Variants in PREP observed in about 807,000 individuals in gnomAD.
PREP encodes the protein dJ355L5.1 (prolyl endopeptidase).
PREP carries 29 observed loss-of-function variants against 87.6 expected under a neutral mutation model. The observed-to-expected ratio is 0.33, with a 90% CI of 0.25 to 0.45. The LOEUF is 0.45. Ranked by LOEUF, PREP falls within the 20% of genes least tolerant of loss-of-function variation. The probability of loss-of-function intolerance (pLI) is 1.00; values close to 1 mark genes in which losing one functional copy is unlikely to be tolerated. For synonymous variants in PREP, 337 were observed against 328.6 expected, an observed-to-expected ratio of 1.03 and a Z score of -0.28; for missense variants, 695 against 886.5, an observed-to-expected ratio of 0.78 and a Z score of 2.74.
Position 105,375,997 on chromosome 6 carries a change from T to C in PREP, c.385+128A>G. The C allele has an allele frequency of 3.6e-6, 4 of 1,100,504 alleles. No homozygotes were observed. In the South Asian group the frequency reaches 9.3e-5, roughly 26 times the overall value. The allele number at this position is 1,100,504 out of a possible 1,614,324, so 68.2% of individuals were successfully genotyped here. ...GCAAAAATTAGCTTTCCTGATATTG[T>C]ATGTGCATCTGTTCCACAATATGGT... On this transcript the variant is annotated intron_variant, in intron 4 of 14. Transcript: ENST00000652536.
intron 7 of PREP, among the ~76,000 whole-genome samples, chr6:105,342,525 C>A (rs1315260678): frequency 6.6e-6 from 1 of 152,166 alleles, no homozygotes; most frequent in African/African-American, 2.4e-5. Flanking sequence ...GTTGGAAGTT[C>A]TGGCCAGGGC....
At chr6:105,284,204 C>G (rs996426641) in intron 12 of PREP, among the ~76,000 whole-genome samples, 5 of 152,140 alleles carry the variant, frequency 3.3e-5, no homozygotes, top group Non-Finnish European at 7.3e-5. Context: ...CAAAGACAGT[C>G]ACAATCAGTA....
intron 6 of PREP, among the ~76,000 whole-genome samples, chr6:105,365,235 G>C (rs1448264712): frequency 6.6e-6 from 1 of 152,054 alleles, no homozygotes. Context: ...TGACAGAGTG[G>C]GATTCCATTT....
intron 10 of PREP, among the ~76,000 whole-genome samples, chr6:105,290,253 C>A (rs187329192): frequency 2.0e-5 from 3 of 152,042 alleles, no homozygotes; most frequent in Non-Finnish European, 4.4e-5. Context: ...CAAGTAAACA[C>A]GGAGTAAGAG....
intron 2 of PREP, among the ~76,000 whole-genome samples, chr6:105,378,455 C>A (rs1772751016): frequency 1.3e-5 from 2 of 152,146 alleles, no homozygotes; most frequent in South Asian, 2.1e-4. Flanking sequence ...GGGAGACTGT[C>A]TTAAAACACA....
intron 10 of PREP, among the ~76,000 whole-genome samples, chr6:105,300,596 C>T (rs1258970243): frequency 1.3e-5 from 2 of 151,480 alleles, no homozygotes; most frequent in African/African-American, 4.9e-5. Flanking sequence ...TAAGAACTCA[C>T]AGATCCTTGA....
At chr6:105,336,480 C>A (rs930600574) in intron 7 of PREP, among the ~76,000 whole-genome samples, 3 of 152,106 alleles carry the variant, frequency 2.0e-5, no homozygotes, top group Non-Finnish European at 4.4e-5. Context: ...TGTTTTTGCT[C>A]ATATTTCTAT....
chr6:105,277,249 A>AAAT lies in PREP; in HGVS notation c.*892_*894dup, dbSNP rs1367059865. 6.6e-6 allele frequency among the ~76,000 whole-genome samples: 1 copy of AAAT among 151,752 alleles called. No homozygotes were observed. The highest frequency in any genetic ancestry group is 1.5e-5 in the Non-Finnish European group (1 of 67,988). On this transcript the variant is annotated 3_prime_UTR_variant, in exon 15 of 15. Transcript: ENST00000652536. ...AGGAGAAACAGCTTGGGAAATGCTGAAATTTCTGACTGTAAGAAATGCTTG... is the reference window on the plus strand; with the variant it reads ...AGGAGAAACAGCTTGGGAAATGCTGAAATAATTTCTGACTGTAAGAAATGCTTG...
At chr6:105,340,190 T>G (rs1771602346) in intron 7 of PREP, among the ~76,000 whole-genome samples, 1 of 151,986 alleles carries the variant, frequency 6.6e-6, no homozygotes, top group Non-Finnish European at 1.5e-5. Flanking sequence ...TAAAAGCAGA[T>G]CTCTCGGCAG....
Position 105,402,838 on chromosome 6 carries a change from G to C in PREP, c.45+9C>G, listed in dbSNP as rs1333204640. The C allele has an allele frequency of 1.9e-6, 3 of 1,543,350 alleles. No homozygotes were observed. The highest frequency in any genetic ancestry group is 1.4e-5 in the African/African-American group (1 of 73,466). On this transcript the variant is annotated intron_variant, in intron 1 of 14. Coordinates refer to ENST00000652536, the MANE Select transcript of PREP (RefSeq NM_002726.5). Reference sequence around the variant, plus strand: ...CGGGAGCCCTCTGGGCGGAGGCAGAGATACTTACGGCGGTCTCGTCGCGGT... The same window carrying C: ...CGGGAGCCCTCTGGGCGGAGGCAGACATACTTACGGCGGTCTCGTCGCGGT...
chr6:105,385,182 T>A (rs1583101080), intron 2 of PREP, among the ~76,000 whole-genome samples: 1 of 150,842 alleles, frequency 6.6e-6, no homozygotes, highest in East Asian at 1.9e-4. Flanking sequence ...AAGAATAAAC[T>A]TTAAGCATTA....
intron 5 of PREP, among the ~76,000 whole-genome samples, chr6:105,371,895 A>G (rs1218291776): frequency 6.6e-6 from 1 of 152,194 alleles, no homozygotes; most frequent in East Asian, 1.9e-4. Context: ...TTTGTTTTTT[A>G]CAAGTTAATG....
chr6:105,391,949 C>T (rs1411795055), intron 2 of PREP, among the ~76,000 whole-genome samples: 2 of 152,050 alleles, frequency 1.3e-5, no homozygotes, highest in Non-Finnish European at 2.9e-5. Context: ...CTGCACCAAA[C>T]TTCCTTCTCC....
intron 7 of PREP, among the ~76,000 whole-genome samples, chr6:105,349,829 T>C (rs1771897755): frequency 6.7e-6 from 1 of 149,768 alleles, no homozygotes; most frequent in South Asian, 2.1e-4. Flanking sequence ...CTAGTGCATT[T>C]AGCATTTAAG....
intron 7 of PREP, among the ~76,000 whole-genome samples, chr6:105,335,627 C>A (rs1461793175): frequency 6.6e-6 from 1 of 152,166 alleles, no homozygotes. Flanking sequence ...TGCAGTGGCT[C>A]ACACCTGTAA....
At chr6:105,383,731 G>A (rs559974328) in intron 2 of PREP, among the ~76,000 whole-genome samples, 5 of 152,088 alleles carry the variant, frequency 3.3e-5, no homozygotes, top group African/African-American at 4.8e-5. Context: ...ATCAATTAGG[G>A]AGGAAGCAGA....
At chr6:105,330,955 G>GT (rs1269418271) in intron 8 of PREP, among the ~76,000 whole-genome samples, 1 of 152,172 alleles carries the variant, frequency 6.6e-6, no homozygotes, top group Non-Finnish European at 1.5e-5. Context: ...GTGGCTTAAT[G>GT]TTTTAAAGAG....
chr6:105,361,567 T>TA (rs1414463327), intron 6 of PREP, among the ~76,000 whole-genome samples: 3 of 152,098 alleles, frequency 2.0e-5, no homozygotes, highest in East Asian at 3.8e-4. Context: ...TAGTTGCACG[T>TA]AAAAAAAGCA....
At chr6:105,369,677 T>C (rs985937992) in intron 5 of PREP, among the ~76,000 whole-genome samples, 1 of 152,142 alleles carries the variant, frequency 6.6e-6, no homozygotes, top group Admixed American at 6.5e-5. Context: ...CAACCAGACA[T>C]CCACAGGCAA....
Sources: allele counts gnomAD v4.1 joint callset (sites outside exome capture counted in the v4.1 genomes callset), GRCh38; gene constraint gnomAD v4.1.1; transcripts MANE v1.5; gene names NCBI Gene and HGNC (gene_info 2026-07-23, HGNC 2026-07-21).